SLC27A6: variants seen among roughly 807,000 people sequenced by gnomAD.
The protein encoded by SLC27A6 is long-chain fatty acid transport protein 6.
A neutral mutation model predicts 63.9 loss-of-function variants in SLC27A6; 74 were observed. That is an observed-to-expected ratio of 1.16 (90% CI 0.96 to 1.40). SLC27A6 has a LOEUF of 1.40. Ranked by LOEUF, SLC27A6 falls within the 40% of genes most tolerant of loss-of-function variation. The probability of loss-of-function intolerance (pLI) is 0.00; values close to 1 mark genes in which losing one functional copy is unlikely to be tolerated. For missense variants in SLC27A6, 794 were observed against 732.9 expected, an observed-to-expected ratio of 1.08 and a Z score of -0.96; for synonymous variants, 287 against 260.8, an observed-to-expected ratio of 1.10 and a Z score of -0.97.
At chr5:128,972,179 T>C (rs571106922) in intron 1 of SLC27A6, among the ~76,000 whole-genome samples, 2 of 152,208 alleles carry the variant, frequency 1.3e-5, no homozygotes, top group South Asian at 4.1e-4. Flanking sequence ...GACCTTTCTC[T>C]CTGGCTGCCC....
rs560875163 is a variant in SLC27A6, at chr5:129,028,311, G to T, written c.1455-34G>T. 2.1e-6 allele frequency: 3 copies of T among 1,401,642 alleles called. No homozygotes were observed. In the South Asian group the frequency reaches 3.5e-5, roughly 16 times the overall value. 86.8% of individuals were successfully genotyped at this position (1,401,642 alleles called of 1,614,324 possible). On this transcript the variant is annotated intron_variant, in intron 7 of 9. Coordinates refer to ENST00000262462, the MANE Select transcript of SLC27A6 (RefSeq NM_001017372.3). ...TGGGTACCTAGTTTTTCAAATACAG[G>T]TGCACTAACTGGAATTTGATTTTTT...
chr5:129,013,344 A>G (rs1751788920), intron 4 of SLC27A6, among the ~76,000 whole-genome samples: 1 of 152,082 alleles, frequency 6.6e-6, no homozygotes, highest in Admixed American at 6.6e-5. Flanking sequence ...CGTTCTACTA[A>G]AAACAAAATT....
At chr5:129,030,491 A>T (rs1752383201) in intron 9 of SLC27A6, among the ~76,000 whole-genome samples, 1 of 152,028 alleles carries the variant, frequency 6.6e-6, no homozygotes, top group African/African-American at 2.4e-5. Context: ...CATTGCAGCC[A>T]AGTCACTGCT....
At chr5:129,016,416 A>AAAAAAAAG (rs1455797246) in intron 5 of SLC27A6, among the ~76,000 whole-genome samples, 1 of 150,550 alleles carries the variant, frequency 6.6e-6, no homozygotes, top group African/African-American at 2.4e-5. Flanking sequence ...AAAAAAAAAA[A>AAAAAAAAG]AAGGAGCACC....
At chr5:128,978,630 A>G (rs1239244488) in intron 1 of SLC27A6, among the ~76,000 whole-genome samples, 3 of 152,172 alleles carry the variant, frequency 2.0e-5, no homozygotes, top group Admixed American at 6.5e-5. Flanking sequence ...CCTGTTTGGA[A>G]TTGCTTCTGT....
chr5:128,965,837 C>T lies in SLC27A6; in HGVS notation c.-301C>T. The T allele has an allele frequency of 3.5e-6, 1 of 289,114 alleles. No homozygotes were observed. Among genetic ancestry groups the T allele is most frequent in the Non-Finnish European group, 6.5e-6 (1 of 154,258 alleles). 17.9% of individuals were successfully genotyped at this position (289,114 alleles called of 1,614,324 possible). ...GGCGCAGCGCTGGGGTTGTAGATTCCAAGACCCCTGAGGGTGGCTGTGTTG... is the reference window on the plus strand; with the variant it reads ...GGCGCAGCGCTGGGGTTGTAGATTCTAAGACCCCTGAGGGTGGCTGTGTTG... On this transcript the variant is annotated 5_prime_UTR_variant, in exon 1 of 10. Coordinates refer to ENST00000262462, the MANE Select transcript of SLC27A6 (RefSeq NM_001017372.3).
intron 1 of SLC27A6, among the ~76,000 whole-genome samples, chr5:128,975,959 C>G (rs536771121): frequency 5.3e-5 from 8 of 151,992 alleles, no homozygotes; most frequent in Non-Finnish European, 7.4e-5. Context: ...AACCATGAAG[C>G]CATTTAAACT....
chr5:128,970,444 T>C (rs940447123), intron 1 of SLC27A6, among the ~76,000 whole-genome samples: 1 of 152,222 alleles, frequency 6.6e-6, no homozygotes, highest in African/African-American at 2.4e-5. Flanking sequence ...GAGCCTGTTA[T>C]TGGTCTATTC....
chr5:129,008,231 G>A (rs1454299159), intron 4 of SLC27A6, among the ~76,000 whole-genome samples: 1 of 151,982 alleles, frequency 6.6e-6, no homozygotes, highest in African/African-American at 2.4e-5. Context: ...TTCTTTAAAG[G>A]AAAGAAAAAT....
chr5:128,988,431 T>C (rs1000535880), intron 2 of SLC27A6, among the ~76,000 whole-genome samples, 169 bp from the exon 3 acceptor site: 1 of 152,236 alleles, frequency 6.6e-6, no homozygotes, highest in East Asian at 1.9e-4. Context: ...AATGGCCTCT[T>C]TTACAAAGCA....
rs752809509 is a variant in SLC27A6 at position 128,966,624 on chromosome 5, G to C, written c.481+6G>C. The stretch of plus-strand genomic sequence containing the variant: ...AGCCCTAGTGGTGGGCGCAGGTAGA[G>C]TATGGGGTGTGGTCTGCCTATACAG... On this transcript the variant is annotated splice_donor_region_variant and intron_variant, in intron 1 of 9. Coordinates refer to ENST00000262462, the MANE Select transcript of SLC27A6 (RefSeq NM_001017372.3). 1.9e-5 allele frequency: 28 copies of C among 1,507,954 alleles called. No homozygotes were observed. The highest frequency in any genetic ancestry group is 2.1e-5 in the Non-Finnish European group (24 of 1,137,120). The allele number at this position is 1,507,954 out of a possible 1,614,324, so 93.4% of individuals were successfully genotyped here.
chr5:128,986,135 G>A (rs867417363), intron 2 of SLC27A6, among the ~76,000 whole-genome samples: 11 of 151,986 alleles, frequency 7.2e-5, no homozygotes, highest in Admixed American at 1.3e-4. Context: ...AACACAGTGA[G>A]ACCTCATATG....
intron 4 of SLC27A6, among the ~76,000 whole-genome samples, chr5:128,995,031 C>T (rs1159202273): frequency 2.0e-5 from 3 of 152,232 alleles, no homozygotes; most frequent in Non-Finnish European, 2.9e-5. Flanking sequence ...TCTTCTCTTC[C>T]CCTGAGACTA....
chr5:129,005,625 T>C (rs1008854841), intron 4 of SLC27A6, among the ~76,000 whole-genome samples: 1 of 146,082 alleles, frequency 6.8e-6, no homozygotes, highest in Non-Finnish European at 1.5e-5. Context: ...TTTTTTTTTT[T>C]TTTGCGAGAC....
chr5:128,970,141 T>C (rs970090793), intron 1 of SLC27A6, among the ~76,000 whole-genome samples: 1 of 148,588 alleles, frequency 6.7e-6, no homozygotes, highest in African/African-American at 2.4e-5. Context: ...ATAAGCTTTT[T>C]GATGTTCTGC....
chr5:129,001,974 T>C lies in SLC27A6; in HGVS notation c.969+11510T>C, dbSNP rs376364148. 3.9e-4 allele frequency among the ~76,000 whole-genome samples: 59 copies of C among 152,344 alleles called. 1 individual carries two copies. Among genetic ancestry groups the C allele is most frequent in the African/African-American group, 1.4e-3 (58 of 41,582 alleles). On this transcript the variant is annotated intron_variant, in intron 4 of 9. Transcript: ENST00000262462. The stretch of plus-strand genomic sequence containing the variant: ...TGTGCAGCAGCTCAGCAGACACTGC[T>C]GGGAAAACATCTCTCAAATAACCTT...
chr5:128,974,894 A>G (rs1476144665), intron 1 of SLC27A6, among the ~76,000 whole-genome samples: 1 of 152,244 alleles, frequency 6.6e-6, no homozygotes, highest in Non-Finnish European at 1.5e-5. Context: ...GGTATGTACT[A>G]AGTAGATCTT....
chr5:129,007,404 C>T (rs902759616), intron 4 of SLC27A6, among the ~76,000 whole-genome samples: 5 of 145,070 alleles, frequency 3.4e-5, no homozygotes, highest in Admixed American at 1.4e-4. Flanking sequence ...GATCATGCCA[C>T]TGCACTCCAG....
At chr5:128,976,159 A>G (rs1190692763) in intron 1 of SLC27A6, among the ~76,000 whole-genome samples, 1 of 152,204 alleles carries the variant, frequency 6.6e-6, no homozygotes, top group Non-Finnish European at 1.5e-5. Flanking sequence ...AGGTAAGATA[A>G]TAAAAGTTCA....
Sources: allele counts gnomAD v4.1 joint callset (sites outside exome capture counted in the v4.1 genomes callset), GRCh38; gene constraint gnomAD v4.1.1; transcripts MANE v1.5; gene names NCBI Gene and HGNC (gene_info 2026-07-23, HGNC 2026-07-21).